POU2AF2: variants seen among roughly 807,000 people sequenced by gnomAD.
POU2AF2 encodes POU class 2 homeobox associating factor 2, also known as POU domain class 2-associating factor 2.
chr11:111,246,443 A>C, the POU2AF2 span, among the ~76,000 whole-genome samples: 1 of 152,248 alleles, frequency 6.6e-6, no homozygotes. Context: ...TAGTCAACAG[A>C]GAGCAAAGCC....
At chr11:111,279,606 G>A in the POU2AF2 span, among the ~76,000 whole-genome samples, 4 of 152,054 alleles carry the variant, frequency 2.6e-5, no homozygotes, top group South Asian at 2.1e-4. Context: ...GTCTTTGTGC[G>A]TCCCTCTCCT....
chr11:111,258,091 C>A, the POU2AF2 span, among the ~76,000 whole-genome samples: 1 of 152,108 alleles, frequency 6.6e-6, no homozygotes. Context: ...GCGCTCCAGC[C>A]TGGGCAACAC....
the POU2AF2 span, among the ~76,000 whole-genome samples, chr11:111,259,875 A>C: frequency 6.6e-6 from 1 of 152,084 alleles, no homozygotes; most frequent in Non-Finnish European, 1.5e-5. Context: ...TCCTCACTTC[A>C]CTGACTTTTT....
chr11:111,268,477 T>TTTTTTTTTTTA, the POU2AF2 span, among the ~76,000 whole-genome samples: 2 of 77,556 alleles, frequency 2.6e-5, no homozygotes, highest in East Asian at 3.8e-4. Flanking sequence ...CATTTTTCTT[T>TTTTTTTTTTTA]TTTTATTTTA....
At chr11:111,253,075 T>A in the POU2AF2 span, among the ~76,000 whole-genome samples, 1 of 152,182 alleles carries the variant, frequency 6.6e-6, no homozygotes, top group African/African-American at 2.4e-5. Context: ...TTCCCCAGAA[T>A]TCTAGGATGC....
chr11:111,285,409 T>A, the POU2AF2 span, among the ~76,000 whole-genome samples: 1 of 152,232 alleles, frequency 6.6e-6, no homozygotes, highest in Non-Finnish European at 1.5e-5. Flanking sequence ...ATTTCACTCA[T>A]TTAATGTTGT....
chr11:111,276,439 G>GAAAAAAAAAAAAA, the POU2AF2 span, among the ~76,000 whole-genome samples: 35 of 44,414 alleles, frequency 7.9e-4, 2 homozygotes, highest in African/African-American at 3.0e-3. Flanking sequence ...CTACTAAAAA[G>GAAAAAAAAAAAAA]AAAAAAAAAA....
At chr11:111,261,488 CATT>C in the POU2AF2 span, among the ~76,000 whole-genome samples, 3 of 152,040 alleles carry the variant, frequency 2.0e-5, no homozygotes, top group East Asian at 5.8e-4. Context: ...ATTTTCAGAC[CATT>C]GTTCCTTTTA....
chr11:111,261,445 A>G, the POU2AF2 span, among the ~76,000 whole-genome samples: 1 of 152,050 alleles, frequency 6.6e-6, no homozygotes, highest in African/African-American at 2.4e-5. Context: ...AATAGTCACA[A>G]TTTTTCAGTT....
chr11:111,284,066 T>G, the POU2AF2 span: 1 of 1,605,692 alleles, frequency 6.2e-7, no homozygotes. Flanking sequence ...TGTTTTTCAT[T>G]TGGCAACAGG....
chr11:111,281,386 T>G, the POU2AF2 span: 1 of 1,604,544 alleles, frequency 6.2e-7, no homozygotes, highest in Non-Finnish European at 8.5e-7. Context: ...TTGAATTCTG[T>G]TTACCTTCCA....
the POU2AF2 span, chr11:111,256,151 T>C: frequency 2.5e-6 from 1 of 398,868 alleles, no homozygotes; most frequent in Non-Finnish European, 4.4e-6. Flanking sequence ...TCTCCCTTTA[T>C]CCACACACCA....
chr11:111,254,760 G>T, the POU2AF2 span, among the ~76,000 whole-genome samples: 1 of 152,086 alleles, frequency 6.6e-6, no homozygotes, highest in Admixed American at 6.5e-5. Context: ...CCAGATTAGA[G>T]AATAATTTTG....
the POU2AF2 span, chr11:111,284,156 T>TC: frequency 6.2e-7 from 1 of 1,614,046 alleles, no homozygotes; most frequent in Non-Finnish European, 8.5e-7. Flanking sequence ...TAAACAGTTT[T>TC]CAAATGACGT....
the POU2AF2 span, among the ~76,000 whole-genome samples, chr11:111,246,670 T>A: frequency 7.4e-4 from 113 of 152,332 alleles, no homozygotes; most frequent in African/African-American, 2.6e-3. Context: ...AATTGGTTAT[T>A]AGCTGTGACA....
At chr11:111,284,458 G>A in the POU2AF2 span, 13 of 1,455,384 alleles carry the variant, frequency 8.9e-6, no homozygotes, top group South Asian at 1.4e-5. Flanking sequence ...CTTGGCATCC[G>A]GGTTGAAGCC....
the POU2AF2 span, among the ~76,000 whole-genome samples, chr11:111,271,100 A>T: frequency 0.093 from 14,186 of 152,252 alleles, 909 homozygotes; most frequent in Middle Eastern, 0.19. Context: ...AGGTGGGTGG[A>T]TCACCTGAAG....
chr11:111,273,205 G>A, the POU2AF2 span, among the ~76,000 whole-genome samples: 1 of 152,106 alleles, frequency 6.6e-6, no homozygotes, highest in African/African-American at 2.4e-5. Context: ...TGTTAACTAA[G>A]GCATGTAAAT....
the POU2AF2 span, among the ~76,000 whole-genome samples, chr11:111,253,740 A>T: frequency 6.6e-6 from 1 of 152,296 alleles, no homozygotes; most frequent in East Asian, 1.9e-4. Flanking sequence ...GGCCTAGAGG[A>T]TGCATTCCAA....
Sources: allele counts gnomAD v4.1 joint callset (sites outside exome capture counted in the v4.1 genomes callset), GRCh38; gene constraint gnomAD v4.1.1; transcripts MANE v1.5; gene names NCBI Gene and HGNC (gene_info 2026-07-23, HGNC 2026-07-21).